The following OLA1 variants were observed in gnomAD, a reference collection of about 807,000 sequenced individuals.
OLA1 encodes the protein obg-like ATPase 1.
A neutral mutation model predicts 48.4 loss-of-function variants in OLA1; 14 were observed. The observed-to-expected ratio is 0.29, with a 90% CI of 0.19 to 0.45. The LOEUF (loss-of-function observed/expected upper bound fraction) is 0.45, where lower values mean the gene tolerates loss of function less well. Ranked by LOEUF, OLA1 falls within the 20% of genes least tolerant of loss-of-function variation. OLA1 has a pLI of 1.00. For missense variants in OLA1, 325 were observed against 467.1 expected (o/e 0.70, Z 2.80); for synonymous variants, 127 against 150.4 (o/e 0.84, Z 1.14).
At chr2:174,131,436 T>A (rs1370236111) in intron 5 of OLA1, among the ~76,000 whole-genome samples, 1 of 152,174 alleles carries the variant, frequency 6.6e-6, no homozygotes, top group African/African-American at 2.4e-5. Flanking sequence ...TACATATATT[T>A]TGGTAAATTT....
chr2:174,091,873 A>AAAAAAAAAAAAAAAAAC (rs1685122076), intron 7 of OLA1, among the ~76,000 whole-genome samples: 1 of 44,292 alleles, frequency 2.3e-5, no homozygotes, highest in Non-Finnish European at 4.0e-5. Flanking sequence ...CTGCCTCAAA[A>AAAAAAAAAAAAAAAAAC]AAAAAAAAAA....
At chr2:174,225,777 C>A (rs1688602182) in intron 3 of OLA1, among the ~76,000 whole-genome samples, 1 of 152,200 alleles carries the variant, frequency 6.6e-6, no homozygotes, top group South Asian at 2.1e-4. Flanking sequence ...AGTTCTATTT[C>A]TGGTTGACAT....
chr2:174,123,055 TA>T, intron 7 of OLA1, 124 bp downstream of exon 7: 1 of 577,608 alleles, frequency 1.7e-6, no homozygotes, highest in Non-Finnish European at 3.1e-6. Context: ...TCATCCATTT[TA>T]AACTTTTTAA....
At chr2:174,096,674 T>G (rs1358815091) in intron 7 of OLA1, among the ~76,000 whole-genome samples, 1 of 152,172 alleles carries the variant, frequency 6.6e-6, no homozygotes, top group Non-Finnish European at 1.5e-5. Flanking sequence ...TTTAATCACA[T>G]GTAACTAAAA....
chr2:174,111,152 T>C (rs1167281297), intron 7 of OLA1, among the ~76,000 whole-genome samples: 3 of 152,212 alleles, frequency 2.0e-5, no homozygotes, highest in Non-Finnish European at 4.4e-5. Context: ...TTACTCTCTC[T>C]GACAGGTGAG....
chr2:174,125,086 G>A (rs970293313), intron 5 of OLA1, among the ~76,000 whole-genome samples: 1 of 152,154 alleles, frequency 6.6e-6, no homozygotes, highest in Non-Finnish European at 1.5e-5. Flanking sequence ...GAAGATCAAA[G>A]TGCTATATTA....
At chr2:174,176,058 CAAAT>C (rs141723505) in intron 4 of OLA1, among the ~76,000 whole-genome samples, 124 of 152,102 alleles carry the variant, frequency 8.2e-4, no homozygotes, top group African/African-American at 2.7e-3. Context: ...CAAAAGGACA[CAAAT>C]AAACATTTTA....
chr2:174,212,289 A>G (rs1477457472), intron 4 of OLA1, among the ~76,000 whole-genome samples: 1 of 152,240 alleles, frequency 6.6e-6, no homozygotes, highest in African/African-American at 2.4e-5. Flanking sequence ...TTGTGTATCT[A>G]AACATATTTA....
intron 4 of OLA1, among the ~76,000 whole-genome samples, chr2:174,191,486 GCT>G (rs1405377753): frequency 2.6e-5 from 4 of 151,454 alleles, no homozygotes; most frequent in African/African-American, 9.7e-5. Context: ...CCTGGCTCTG[GCT>G]CTGTCGCTCA....
chr2:174,222,882 C>T (rs957385557), intron 4 of OLA1, 151 bp downstream of exon 4: 2 of 726,516 alleles, frequency 2.8e-6, no homozygotes, highest in Non-Finnish European at 4.4e-6. Flanking sequence ...TACTAAGTAA[C>T]ATTAAAGTCA....
intron 5 of OLA1, among the ~76,000 whole-genome samples, chr2:174,126,483 G>A (rs985618266): frequency 6.6e-6 from 1 of 152,056 alleles, no homozygotes; most frequent in Non-Finnish European, 1.5e-5. Flanking sequence ...AATAAATTCT[G>A]TACATTATAG....
chr2:174,201,591 G>C (rs781449593), intron 4 of OLA1, among the ~76,000 whole-genome samples: 1 of 152,118 alleles, frequency 6.6e-6, no homozygotes, highest in African/African-American at 2.4e-5. Flanking sequence ...AGACTCAAGC[G>C]ATCTTCCTGC....
At chr2:174,083,479 T>C (rs78481148) in intron 7 of OLA1, among the ~76,000 whole-genome samples, 1 of 152,152 alleles carries the variant, frequency 6.6e-6, no homozygotes, top group Non-Finnish European at 1.5e-5. Context: ...AATAGTATTT[T>C]TTCTTTTGTT....
intron 4 of OLA1, among the ~76,000 whole-genome samples, chr2:174,193,091 C>CTTTTT (rs34103927): frequency 7.3e-5 from 10 of 137,924 alleles, no homozygotes; most frequent in East Asian, 4.2e-4. Context: ...TTCTTTCTTT[C>CTTTTT]TTTTTTTTTT....
intron 5 of OLA1, among the ~76,000 whole-genome samples, chr2:174,129,331 GC>G (rs1553481972): frequency 1.3e-5 from 2 of 151,872 alleles, no homozygotes; most frequent in Non-Finnish European, 2.9e-5. Flanking sequence ...GGTGGCAGGT[GC>G]CTGTAGTCCC....
At chr2:174,173,068 G>A (rs564375676) in intron 4 of OLA1, among the ~76,000 whole-genome samples, 2 of 152,202 alleles carry the variant, frequency 1.3e-5, no homozygotes, top group Admixed American at 1.3e-4. Context: ...TGTACAACCT[G>A]CAGAACCATG....
intron 4 of OLA1, among the ~76,000 whole-genome samples, chr2:174,210,454 AT>A (rs1688216497): frequency 6.6e-6 from 1 of 152,140 alleles, no homozygotes; most frequent in Non-Finnish European, 1.5e-5. Flanking sequence ...GTTACAATTA[AT>A]TTTTTTAAGT....
In OLA1 at chr2:174,170,190, G is replaced by A. The variant is rs1018269883; in HGVS notation, c.374-28190C>T. ...GGAACTTGCAGTGAGCCGAGATCGC[G>A]CCACTGCACTCCAGCCTGGGCTACA... is the stretch of plus-strand genomic sequence containing the variant. On this transcript the variant is annotated intron_variant, in intron 4 of 10. Coordinates refer to ENST00000284719, the MANE Select transcript of OLA1 (RefSeq NM_013341.5). 6.6e-5 allele frequency among the ~76,000 whole-genome samples: 10 copies of A among 152,004 alleles called. No homozygotes were observed. In the East Asian group the frequency reaches 1.4e-3, roughly 21 times the overall value.
intron 4 of OLA1, among the ~76,000 whole-genome samples, chr2:174,144,941 A>AT (rs1188016243): frequency 2.3e-3 from 148 of 64,166 alleles, no homozygotes; most frequent in Non-Finnish European, 3.2e-3. Flanking sequence ...AAAAAAAAAA[A>AT]AAAAAAAAAA....
Sources: gnomAD v4.1 joint callset for allele counts (sites outside exome capture counted in the v4.1 genomes callset) on GRCh38, gnomAD v4.1.1 for gene constraint, MANE v1.5 for transcripts, NCBI Gene and HGNC (gene_info 2026-07-23, HGNC 2026-07-21) for gene names.